Variants in CNTN5 observed in about 807,000 individuals in gnomAD.
The protein encoded by CNTN5 is contactin-5.
A neutral mutation model predicts 129.1 loss-of-function variants in CNTN5; 77 were observed. The ratio of observed to expected loss-of-function variants is 0.60; its 90% CI spans 0.50 to 0.72. The LOEUF is 0.72. CNTN5 is among the 30% of genes least tolerant of loss of function. CNTN5 has a pLI of 0.00. For missense variants in CNTN5, 1,478 were observed against 1,328.8 expected (o/e 1.11, Z -1.75); for synonymous variants, 509 against 465.6 (o/e 1.09, Z -1.20).
intron 1 of CNTN5, among the ~76,000 whole-genome samples, chr11:99,245,153 CA>C (rs1174102995): frequency 6.6e-6 from 1 of 152,118 alleles, no homozygotes; most frequent in Non-Finnish European, 1.5e-5. Flanking sequence ...TGCTTAAATT[CA>C]AAGTGCTTAG....
intron 1 of CNTN5, among the ~76,000 whole-genome samples, chr11:99,139,123 C>T (rs1565348623): frequency 7.7e-6 from 1 of 129,078 alleles, no homozygotes; most frequent in Non-Finnish European, 1.6e-5. Context: ...CAAAAATTAG[C>T]CAGGCATAGT....
At chr11:99,781,712 G>C (rs1945317239) in intron 3 of CNTN5, among the ~76,000 whole-genome samples, 2 of 152,164 alleles carry the variant, frequency 1.3e-5, no homozygotes, top group South Asian at 4.1e-4. Context: ...AACGTTCCAT[G>C]TCTGTAAGCA....
At chr11:99,576,917 G>C (rs1301060248) in intron 3 of CNTN5, among the ~76,000 whole-genome samples, 1 of 152,144 alleles carries the variant, frequency 6.6e-6, no homozygotes, top group East Asian at 1.9e-4. Flanking sequence ...ATTAAGATTT[G>C]AGGGTATATG....
chr11:99,108,701 A>T (rs1342290939), intron 1 of CNTN5, among the ~76,000 whole-genome samples: 2 of 152,104 alleles, frequency 1.3e-5, no homozygotes, highest in Admixed American at 1.3e-4. Context: ...CTTTCTGTTG[A>T]AGTCTTGATT....
At chr11:99,904,049 T>C (rs1280440366) in intron 6 of CNTN5, among the ~76,000 whole-genome samples, 1 of 152,164 alleles carries the variant, frequency 6.6e-6, no homozygotes, top group African/African-American at 2.4e-5. Flanking sequence ...GGAACTCTTT[T>C]TAATGATATT....
intron 6 of CNTN5, among the ~76,000 whole-genome samples, chr11:99,912,497 T>C (rs1276795824): frequency 6.6e-6 from 1 of 151,998 alleles, no homozygotes; most frequent in African/African-American, 2.4e-5. Flanking sequence ...GTTTTTAATA[T>C]ATAGTATGCA....
chr11:99,473,907 C>A (rs1282226604), intron 2 of CNTN5, among the ~76,000 whole-genome samples: 1 of 152,042 alleles, frequency 6.6e-6, no homozygotes, highest in Non-Finnish European at 1.5e-5. Flanking sequence ...GCTTGCCACA[C>A]TGGCTAGAGT....
At chr11:99,120,295 C>G (rs116814458) in intron 1 of CNTN5, 3 of 152,196 alleles carry the variant, frequency 2.0e-5, no homozygotes, top group African/African-American at 7.2e-5. Flanking sequence ...CTCACCACTC[C>G]ATGTGTGTCC....
At chr11:99,431,302 G>A (rs563396973) in intron 2 of CNTN5, among the ~76,000 whole-genome samples, 18 of 152,072 alleles carry the variant, frequency 1.2e-4, no homozygotes, top group Non-Finnish European at 2.2e-4. Context: ...ACGGGGCCCA[G>A]ACTGAAGACT....
intron 3 of CNTN5, among the ~76,000 whole-genome samples, chr11:99,698,281 A>T (rs201398474): frequency 2.7e-5 from 4 of 150,654 alleles, no homozygotes; most frequent in African/African-American, 9.7e-5. Flanking sequence ...AAAAATAAAG[A>T]TAAGAATATT....
rs7122148 is a variant in CNTN5 at position 100,150,178 on chromosome 11, T to C, written c.1581-40948T>C. Among the ~76,000 whole-genome samples, 634 of 152,242 alleles carry C rather than the reference T, an allele frequency of 4.2e-3. 2 individuals are homozygous for C. Among genetic ancestry groups the C allele is most frequent in the African/African-American group, 0.015 (603 of 41,562 alleles). Reference sequence around the variant, plus strand: ...TGCATATCAGGTAATTTATCACCTATAGAGAGAAGATTTTTCTCAATTAAA... The same window carrying C: ...TGCATATCAGGTAATTTATCACCTACAGAGAGAAGATTTTTCTCAATTAAA... On this transcript the variant is annotated intron_variant, in intron 13 of 24. Transcript: ENST00000524871.
intron 6 of CNTN5, among the ~76,000 whole-genome samples, chr11:99,899,241 G>C (rs190498659): frequency 6.6e-6 from 1 of 151,950 alleles, no homozygotes; most frequent in South Asian, 2.1e-4. Flanking sequence ...TGATAGCTCT[G>C]TTTGGGACTT....
At chr11:100,282,086 T>G (rs1404520729) in intron 18 of CNTN5, among the ~76,000 whole-genome samples, 1 of 151,846 alleles carries the variant, frequency 6.6e-6, no homozygotes, top group Non-Finnish European at 1.5e-5. Flanking sequence ...CCAGGATTGG[T>G]CCCCGGTGGC....
Position 100,074,216 on chromosome 11 carries a change from T to C in CNTN5, c.1502T>C (p.Ile501Thr), listed in dbSNP as rs200782641. 138 of 1,612,316 alleles carry C rather than the reference T, an allele frequency of 8.6e-5. No individual in the cohort carries two copies. The African/African-American group carries it at 1.7e-3, about 20-fold the overall frequency. The change falls in exon 13 of 25, where the codon ATA becomes ACA. Residue 501 changes from isoleucine (I) to threonine (T), a missense_variant. Coordinates refer to ENST00000524871, the MANE Select transcript of CNTN5 (RefSeq NM_014361.4). Reference sequence around the variant, plus strand: ...GTTACCAAAGACCAAGAAGTTGTCATAGAGTGCAAACCCCAAGGCTCTCCA... The same window carrying C: ...GTTACCAAAGACCAAGAAGTTGTCACAGAGTGCAAACCCCAAGGCTCTCCA... ...IIVTKDQEVVIECKPQGSPKP... is the reference protein window; with the variant it reads ...IIVTKDQEVVTECKPQGSPKP...
chr11:100,131,799 G>A (rs1463593316), intron 13 of CNTN5, among the ~76,000 whole-genome samples: 1 of 152,080 alleles, frequency 6.6e-6, no homozygotes, highest in African/African-American at 2.4e-5. Flanking sequence ...CTGCCTTACA[G>A]TTGAGGTAGG....
chr11:99,156,717 T>C (rs1860352449), intron 1 of CNTN5, among the ~76,000 whole-genome samples: 1 of 152,048 alleles, frequency 6.6e-6, no homozygotes, highest in East Asian at 1.9e-4. Flanking sequence ...GGATAATATA[T>C]GCTTTGTCAA....
intron 1 of CNTN5, among the ~76,000 whole-genome samples, chr11:99,193,982 AC>A (rs1858777245): frequency 6.6e-6 from 1 of 150,520 alleles, no homozygotes; most frequent in African/African-American, 2.4e-5. Flanking sequence ...TGAATAGAGA[AC>A]ATGGTAAGAA....
At chr11:99,399,154 G>GA (rs11419896) in intron 2 of CNTN5, among the ~76,000 whole-genome samples, 101,746 of 147,830 alleles carry the variant, frequency 0.69, 35,087 homozygotes, top group East Asian at 0.83. Flanking sequence ...AGCATTTGTG[G>GA]AATAAAAAAA....
chr11:99,363,869 T>G (rs1045347405), intron 2 of CNTN5, among the ~76,000 whole-genome samples: 1 of 152,146 alleles, frequency 6.6e-6, no homozygotes, highest in Non-Finnish European at 1.5e-5. Flanking sequence ...TGTGTTATCT[T>G]GACGCTATCA....
Sources: allele counts gnomAD v4.1 joint callset (sites outside exome capture counted in the v4.1 genomes callset), GRCh38; gene constraint gnomAD v4.1.1; transcripts MANE v1.5; gene names NCBI Gene and HGNC (gene_info 2026-07-23, HGNC 2026-07-21).